Variants in LRRC8C observed in about 807,000 individuals in gnomAD.
LRRC8C encodes the protein leucine rich repeat containing 8 VRAC subunit C.
LRRC8C carries 20 observed loss-of-function variants against 55.3 expected under a neutral mutation model. The ratio of observed to expected loss-of-function variants is 0.36; its 90% CI spans 0.25 to 0.53. The LOEUF (loss-of-function observed/expected upper bound fraction) is 0.53, where lower values mean the gene tolerates loss of function less well. LRRC8C is among the 20% of genes least tolerant of loss of function. The probability of loss-of-function intolerance (pLI) is 0.92; values close to 1 mark genes in which losing one functional copy is unlikely to be tolerated. For missense variants in LRRC8C, 659 were observed against 951.4 expected, an observed-to-expected ratio of 0.69 and a Z score of 4.04; for synonymous variants, 376 against 360.7, an observed-to-expected ratio of 1.04 and a Z score of -0.48.
the LRRC8C span, among the ~76,000 whole-genome samples, chr1:89,623,179 C>T: frequency 7.0e-6 from 1 of 142,466 alleles, no homozygotes; most frequent in Non-Finnish European, 1.5e-5. Context: ...CACACACACA[C>T]ACATGCGCAC....
chr1:89,697,230 A>G (rs1227087075), intron 2 of LRRC8C, among the ~76,000 whole-genome samples: 1 of 152,234 alleles, frequency 6.6e-6, no homozygotes, highest in Non-Finnish European at 1.5e-5. Flanking sequence ...ATAGCAAATT[A>G]TTTTCCAATT....
the LRRC8C span, among the ~76,000 whole-genome samples, chr1:89,625,808 T>G: frequency 1.5e-4 from 23 of 152,296 alleles, 2 homozygotes; most frequent in Admixed American, 9.2e-4. Context: ...GGCTTAAAAT[T>G]AGATGCTTCG....
chr1:89,628,880 TC>T (rs1656039209), upstream of LRRC8C, among the ~76,000 whole-genome samples: 1 of 152,138 alleles, frequency 6.6e-6, no homozygotes, highest in Non-Finnish European at 1.5e-5. Context: ...GAAGAAGGAT[TC>T]CAGTTTCTAT....
intron 1 of LRRC8C, among the ~76,000 whole-genome samples, chr1:89,671,850 G>T (rs1198924818): frequency 6.6e-6 from 1 of 152,200 alleles, no homozygotes. Context: ...ACATGAATCT[G>T]CAGAAAGCAT....
At position 89,717,180 on chromosome 1, in the gene LRRC8C, C is replaced by T. The variant is rs1490923645; in HGVS notation, c.*2198C>T. ...AACAAATAATTTGTTGGCCGATTGT[C>T]CATGGTTGAGCATGACAAAAATACC... is the stretch of plus-strand genomic sequence containing the variant. On this transcript the variant is annotated 3_prime_UTR_variant, in exon 3 of 3. Transcript: ENST00000370454. 1.3e-5 allele frequency: 2 copies of T among 152,034 alleles called. No homozygotes were observed. Among genetic ancestry groups the T allele is most frequent in the African/African-American group, 4.8e-5 (2 of 41,378 alleles). The allele number at this position is 152,034 out of a possible 1,614,324, so 9.4% of individuals were successfully genotyped here. A position where few individuals can be genotyped will look rare whatever the true frequency, so the allele number is the denominator to read the frequency against.
intron 2 of LRRC8C, among the ~76,000 whole-genome samples, chr1:89,707,960 T>C (rs1162332705): frequency 2.6e-5 from 4 of 152,118 alleles, no homozygotes; most frequent in Admixed American, 2.6e-4. Flanking sequence ...CTTAGACATT[T>C]TCCTTTCCAT....
Position 89,634,760 on chromosome 1 carries a change from C to G in LRRC8C, c.-5+1438C>G, listed in dbSNP as rs192311224. On this transcript the variant is annotated intron_variant, in intron 1 of 2. Coordinates refer to ENST00000370454, the MANE Select transcript of LRRC8C (RefSeq NM_032270.5). ...AAACAAACATTAAATGTATACAGCT[C>G]TAGTCTAGGATATTTGCATTTCTTG... 3.4e-3 allele frequency among the ~76,000 whole-genome samples: 524 copies of G among 152,302 alleles called. 2 individuals carry two copies. Among genetic ancestry groups the G allele is most frequent in the Non-Finnish European group, 5.5e-3 (377 of 68,022 alleles).
In LRRC8C at chr1:89,718,449, T is replaced by C. The variant is rs534507232; in HGVS notation, c.*3467T>C. 4 of 152,284 alleles carry C rather than the reference T, an allele frequency of 2.6e-5. No homozygotes were observed. The highest frequency in any genetic ancestry group is 4.1e-4 in the South Asian group (2 of 4,820). 9.4% of individuals were successfully genotyped at this position (152,284 alleles called of 1,614,324 possible). A position where few individuals can be genotyped will look rare whatever the true frequency, so the allele number is the denominator to read the frequency against. On this transcript the variant is annotated 3_prime_UTR_variant, in exon 3 of 3. Coordinates refer to ENST00000370454, the MANE Select transcript of LRRC8C (RefSeq NM_032270.5). Reference sequence around the variant, plus strand: ...GTATGCTATTTCAGGATTTCTGATATTAAAAAAGAAAAAACAAAATCTTTA... The same window carrying C: ...GTATGCTATTTCAGGATTTCTGATACTAAAAAAGAAAAAACAAAATCTTTA...
chr1:89,672,579 A>G (rs981683704), intron 1 of LRRC8C, among the ~76,000 whole-genome samples: 13 of 152,168 alleles, frequency 8.5e-5, no homozygotes, highest in African/African-American at 3.1e-4. Context: ...TCCAGTAGCT[A>G]TCTCCATTGA....
In LRRC8C at chr1:89,714,373, G is replaced by A; in HGVS notation, c.1803G>A (p.Leu601=). Residue 601 remains leucine, a synonymous_variant, in exon 3 of 3, where the codon CTG becomes CTA. Transcript: ENST00000370454. This position sits in a 1 kb window ranked among gnomAD's most constrained non-coding sequence, Gnocchi z 4.6. ...LTELELVHCD[L]ERIPHAVFSL... is the part of the protein sequence containing the mutation. ...AGCTGGAGCTGGTCCACTGTGACCT[G>A]GAGCGTATTCCTCATGCTGTGTTCA... 2.5e-6 allele frequency: 4 copies of A among 1,614,116 alleles called. No homozygotes were observed. The highest frequency in any genetic ancestry group is 3.4e-6 in the Non-Finnish European group (4 of 1,180,006).
At chr1:89,677,675 T>A (rs1570716795) in intron 1 of LRRC8C, among the ~76,000 whole-genome samples, 1 of 152,198 alleles carries the variant, frequency 6.6e-6, no homozygotes, top group East Asian at 1.9e-4. Flanking sequence ...ACCCATAAAG[T>A]AAGGGGTCTG....
At position 89,715,750 on chromosome 1, in the gene LRRC8C, C is replaced by T. The variant is rs1249886917; in HGVS notation, c.*768C>T. On this transcript the variant is annotated 3_prime_UTR_variant, in exon 3 of 3. Transcript: ENST00000370454. Reference sequence around the variant, plus strand: ...GTACTGGTGAACAACTTTGGAGAACCTAGATTTATTTTAATATTCTAATAG... The same window carrying T: ...GTACTGGTGAACAACTTTGGAGAACTTAGATTTATTTTAATATTCTAATAG... The T allele has an allele frequency of 1.3e-5, 2 of 152,072 alleles. No homozygotes were observed. Among genetic ancestry groups the T allele is most frequent in the African/African-American group, 2.4e-5 (1 of 41,390 alleles). The allele number at this position is 152,072 out of a possible 1,614,324, so 9.4% of individuals were successfully genotyped here. A position where few individuals can be genotyped will look rare whatever the true frequency, so the allele number is the denominator to read the frequency against.
At chr1:89,695,147 C>G (rs967467878) in intron 2 of LRRC8C, among the ~76,000 whole-genome samples, 6 of 151,770 alleles carry the variant, frequency 4.0e-5, no homozygotes, top group African/African-American at 1.5e-4. Flanking sequence ...GTCTCAAACT[C>G]CTGACCTCAG....
intron 2 of LRRC8C, among the ~76,000 whole-genome samples, chr1:89,710,974 T>C (rs544513330): frequency 7.9e-4 from 120 of 152,172 alleles, no homozygotes; most frequent in African/African-American, 2.8e-3. Context: ...ATAATAAGAG[T>C]ACTTGATGTC....
chr1:89,652,365 G>A (rs546902612), intron 1 of LRRC8C, among the ~76,000 whole-genome samples: 12 of 152,294 alleles, frequency 7.9e-5, no homozygotes, highest in African/African-American at 2.6e-4. Context: ...GAGCAATTTT[G>A]CATCTCTTCT....
At chr1:89,619,612 A>T in the LRRC8C span, among the ~76,000 whole-genome samples, 27,750 of 151,522 alleles carry the variant, frequency 0.18, 2,719 homozygotes, top group Admixed American at 0.27. Context: ...AACTCTTTAC[A>T]ATATAATTAA....
At chr1:89,697,923 G>A (rs1442615502) in intron 2 of LRRC8C, among the ~76,000 whole-genome samples, 1 of 152,114 alleles carries the variant, frequency 6.6e-6, no homozygotes, top group African/African-American at 2.4e-5. Context: ...TTAATGAAGG[G>A]TTAAAAAAAT....
chr1:89,659,055 TTTTTTTTGTGTGTGTGTG>T (rs1234259052), intron 1 of LRRC8C, among the ~76,000 whole-genome samples: 63 of 110,996 alleles, frequency 5.7e-4, no homozygotes, highest in African/African-American at 1.3e-3. Context: ...CAGGTTTTTT[TTTTTTTTGTGTGTGTGTG>T]TGTGTGTGTG....
chr1:89,618,002 G>C, the LRRC8C span, among the ~76,000 whole-genome samples: 12 of 152,114 alleles, frequency 7.9e-5, no homozygotes, highest in Admixed American at 2.0e-4. Context: ...AAGCTCCCCT[G>C]AGCCTTAGAG....
Sources: allele counts gnomAD v4.1 joint callset (sites outside exome capture counted in the v4.1 genomes callset), GRCh38; gene constraint gnomAD v4.1.1; non-coding constraint Gnocchi (gnomAD v3.1); transcripts MANE v1.5; gene names NCBI Gene and HGNC (gene_info 2026-07-23, HGNC 2026-07-21).